The following STXBP5L variants were observed in gnomAD, a reference collection of about 807,000 sequenced individuals.
STXBP5L encodes the protein syntaxin-binding protein 5-like.
Under a neutral mutation model 144.5 loss-of-function variants are expected in STXBP5L, and 65 were observed. The ratio of observed to expected loss-of-function variants is 0.45; its 90% CI spans 0.37 to 0.55. STXBP5L has a LOEUF of 0.55. STXBP5L is among the 20% of genes least tolerant of loss of function. The pLI is 0.00. For missense variants in STXBP5L, 1,298 were observed against 1,405.5 expected (o/e 0.92, Z 1.22); for synonymous variants, 505 against 469.6 (o/e 1.08, Z -0.97).
intron 5 of STXBP5L, among the ~76,000 whole-genome samples, chr3:121,089,442 C>T (rs1006693841): frequency 6.6e-6 from 1 of 151,658 alleles, no homozygotes; most frequent in Non-Finnish European, 1.5e-5. Flanking sequence ...CTCCTGGTCT[C>T]TGTGGTTTCT....
chr3:121,171,254 T>A (rs1448639052), intron 9 of STXBP5L, among the ~76,000 whole-genome samples: 1 of 152,108 alleles, frequency 6.6e-6, no homozygotes, highest in African/African-American at 2.4e-5. Flanking sequence ...GCCAATATAC[T>A]CAATGGGCAA....
intron 3 of STXBP5L, among the ~76,000 whole-genome samples, chr3:121,005,535 T>C (rs1944216398): frequency 1.3e-5 from 2 of 152,208 alleles, no homozygotes; most frequent in South Asian, 4.1e-4. Flanking sequence ...GAAGGGTTTT[T>C]TGTGTCTCTA....
At chr3:121,158,256 TTGA>T (rs1258911473) in intron 9 of STXBP5L, 1 of 152,172 alleles carries the variant, frequency 6.6e-6, no homozygotes, top group East Asian at 1.9e-4. Context: ...ACTAAATTAT[TTGA>T]TAATATTGGT....
chr3:121,152,114 A>G (rs2045954499), intron 7 of STXBP5L, among the ~76,000 whole-genome samples: 1 of 152,080 alleles, frequency 6.6e-6, no homozygotes, highest in African/African-American at 2.4e-5. Context: ...TCTCAAGTGC[A>G]TAGGACTGAA....
intron 23 of STXBP5L, 21 bp from the exon 24 acceptor site, chr3:121,413,137 G>T: frequency 1.9e-6 from 3 of 1,547,208 alleles, no homozygotes; most frequent in Non-Finnish European, 2.6e-6. Flanking sequence ...ATGATATATG[G>T]ATTTACTTTT....
intron 9 of STXBP5L, among the ~76,000 whole-genome samples, chr3:121,168,535 G>A (rs79486786): frequency 1.3e-5 from 2 of 152,050 alleles, no homozygotes; most frequent in African/African-American, 2.4e-5. Flanking sequence ...CGAGAACTTC[G>A]TGAAGCATAC....
chr3:121,052,270 A>C (rs1948072003), intron 5 of STXBP5L, among the ~76,000 whole-genome samples: 1 of 152,124 alleles, frequency 6.6e-6, no homozygotes, highest in South Asian at 2.1e-4. Context: ...TTTGATACCA[A>C]AGCCTGGCAG....
At chr3:121,239,163 A>G (rs561751636) in intron 13 of STXBP5L, 45 bp downstream of exon 13, 31 of 1,140,472 alleles carry the variant, frequency 2.7e-5, no homozygotes, top group African/African-American at 1.6e-4. Flanking sequence ...TTCATATCAC[A>G]TGATCATACT....
intron 3 of STXBP5L, among the ~76,000 whole-genome samples, chr3:121,009,363 A>T (rs1302643970): frequency 1.3e-5 from 2 of 151,902 alleles, no homozygotes; most frequent in African/African-American, 2.4e-5. Context: ...CCAACCAATC[A>T]TGCCATTTGC....
chr3:120,948,405 CT>C (rs530860514), intron 2 of STXBP5L, among the ~76,000 whole-genome samples: 107 of 151,594 alleles, frequency 7.1e-4, no homozygotes, highest in Non-Finnish European at 1.3e-3. Flanking sequence ...GTGGATTATC[CT>C]TTCCCATTTT....
At chr3:121,116,531 T>C (rs562263123) in intron 6 of STXBP5L, among the ~76,000 whole-genome samples, 3 of 152,116 alleles carry the variant, frequency 2.0e-5, no homozygotes, top group Non-Finnish European at 2.9e-5. Context: ...CTTATTTCTG[T>C]GCTTTCCAAA....
At chr3:121,335,882 C>G (rs1373949379) in intron 20 of STXBP5L, among the ~76,000 whole-genome samples, 1 of 152,060 alleles carries the variant, frequency 6.6e-6, no homozygotes, top group East Asian at 1.9e-4. Context: ...GATGGAGACA[C>G]CAAAAGCAAT....
intron 3 of STXBP5L, among the ~76,000 whole-genome samples, chr3:120,975,480 C>T (rs1483204725): frequency 6.6e-6 from 1 of 152,208 alleles, no homozygotes. Flanking sequence ...CAATTCATGT[C>T]ATCTGCAAAC....
intron 5 of STXBP5L, among the ~76,000 whole-genome samples, chr3:121,086,451 C>A (rs980279307): frequency 1.3e-5 from 2 of 150,244 alleles, no homozygotes; most frequent in Non-Finnish European, 1.5e-5. Context: ...CAATGCATTG[C>A]CCTTTTCTAT....
At chr3:121,057,801 G>A (rs1488047218) in intron 5 of STXBP5L, among the ~76,000 whole-genome samples, 1 of 151,272 alleles carries the variant, frequency 6.6e-6, no homozygotes, top group Non-Finnish European at 1.5e-5. Context: ...CAATAATTTG[G>A]TATAATAATA....
At chr3:121,253,808 T>TC (rs1223494601) in intron 15 of STXBP5L, among the ~76,000 whole-genome samples, 1,315 of 128,086 alleles carry the variant, frequency 0.01, 12 homozygotes, top group African/African-American at 0.026. Flanking sequence ...TTTTTTTTTT[T>TC]TCTTTTTTTT....
At chr3:121,205,264 G>T (rs1175289584) in intron 9 of STXBP5L, among the ~76,000 whole-genome samples, 2 of 152,136 alleles carry the variant, frequency 1.3e-5, no homozygotes, top group African/African-American at 4.8e-5. Context: ...CCAAGATTGA[G>T]GGGCAACATC....
At chr3:121,196,607 T>C (rs138684443) in intron 9 of STXBP5L, among the ~76,000 whole-genome samples, 9 of 152,300 alleles carry the variant, frequency 5.9e-5, no homozygotes, top group African/African-American at 2.2e-4. Context: ...TAGTTTTTTT[T>C]ATTTTTCTAT....
chr3:121,353,815 C>T (rs1223623077), intron 20 of STXBP5L, among the ~76,000 whole-genome samples: 4 of 152,260 alleles, frequency 2.6e-5, no homozygotes, highest in African/African-American at 9.6e-5. Context: ...CTCTTGTGGA[C>T]ATTTAGTGCT....
Sources: gnomAD v4.1 joint callset for allele counts (sites outside exome capture counted in the v4.1 genomes callset) on GRCh38, gnomAD v4.1.1 for gene constraint, MANE v1.5 for transcripts, NCBI Gene and HGNC (gene_info 2026-07-23, HGNC 2026-07-21) for gene names.